Variants in WDR19 observed in about 807,000 individuals in gnomAD.
WDR19 encodes WD repeat-containing protein 19.
A neutral mutation model predicts 180.0 loss-of-function variants in WDR19; 121 were observed. The ratio of observed to expected loss-of-function variants is 0.67; its 90% confidence interval spans 0.58 to 0.78. The LOEUF is 0.78. Ranked by LOEUF, WDR19 falls within the 30% of genes least tolerant of loss-of-function variation. WDR19 has a pLI of 0.00. For missense variants in WDR19, 1,450 were observed against 1,640.7 expected, an observed-to-expected ratio of 0.88 and a Z score of 2.01; for synonymous variants, 497 against 540.7, an observed-to-expected ratio of 0.92 and a Z score of 1.12.
chr4:39,271,446 G>A (rs1313833691), intron 31 of WDR19, among the ~76,000 whole-genome samples: 1 of 152,120 alleles, frequency 6.6e-6, no homozygotes, highest in Non-Finnish European at 1.5e-5. Context: ...GCTCACACGT[G>A]TAATCCCAGT....
intron 14 of WDR19, among the ~76,000 whole-genome samples, chr4:39,220,082 G>A (rs565889563): frequency 2.0e-4 from 31 of 152,012 alleles, no homozygotes; most frequent in Admixed American, 7.9e-4. Context: ...ATAGCCGGGC[G>A]TGGTCATGTG....
chr4:39,200,977 G>C (rs1199971047), intron 6 of WDR19, among the ~76,000 whole-genome samples: 1 of 152,168 alleles, frequency 6.6e-6, no homozygotes, highest in African/African-American at 2.4e-5. Context: ...GTCTCTCAAA[G>C]ATAGAAGGCT....
intron 26 of WDR19, among the ~76,000 whole-genome samples, chr4:39,254,346 G>C (rs1468366971): frequency 6.6e-6 from 1 of 152,154 alleles, no homozygotes; most frequent in Non-Finnish European, 1.5e-5. Context: ...TCAAAATGAA[G>C]GTGATAGGAA....
At chr4:39,210,414 A>T (rs1728369056) in intron 9 of WDR19, among the ~76,000 whole-genome samples, 1 of 152,244 alleles carries the variant, frequency 6.6e-6, no homozygotes, top group Non-Finnish European at 1.5e-5. Flanking sequence ...GTGCAGTGGC[A>T]CATGGCTGCT....
intron 36 of WDR19, among the ~76,000 whole-genome samples, chr4:39,282,923 A>AAC (rs34374540): frequency 0.5 from 76,064 of 151,744 alleles, 20,344 homozygotes; most frequent in African/African-American, 0.7. Context: ...TTTCTGCGTA[A>AAC]AGTCATCTAC....
At chr4:39,209,137 T>C (rs956914768) in intron 9 of WDR19, among the ~76,000 whole-genome samples, 1 of 152,132 alleles carries the variant, frequency 6.6e-6, no homozygotes, top group Non-Finnish European at 1.5e-5. Flanking sequence ...CAAATTTAAA[T>C]TGAATCATAT....
chr4:39,285,180 A>AT (rs1167243876), intron 36 of WDR19, among the ~76,000 whole-genome samples: 5 of 151,950 alleles, frequency 3.3e-5, no homozygotes, highest in African/African-American at 1.2e-4. Context: ...TTTCAGGAAA[A>AT]TTTTTTCTCT....
At chr4:39,229,713 A>G (rs1730642486) in intron 17 of WDR19, among the ~76,000 whole-genome samples, 1 of 152,116 alleles carries the variant, frequency 6.6e-6, no homozygotes, top group Non-Finnish European at 1.5e-5. Context: ...TCTGCTTAAC[A>G]TGGCTCAACA....
intron 4 of WDR19, 68 bp from the exon 5 acceptor site, chr4:39,194,475 AC>A: frequency 1.1e-6 from 1 of 928,892 alleles, no homozygotes; most frequent in Non-Finnish European, 1.6e-6. Context: ...TCCAAGGAGT[AC>A]TTTTTTAAAG....
At chr4:39,245,569 T>TA in intron 24 of WDR19, 117 bp downstream of exon 24, 1 of 1,001,536 alleles carries the variant, frequency 1.0e-6, no homozygotes, top group Non-Finnish European at 1.5e-6. Flanking sequence ...AAAACACCTT[T>TA]AATTACCCCT....
intron 21 of WDR19, among the ~76,000 whole-genome samples, chr4:39,241,930 T>A (rs376913009): frequency 8.0e-6 from 1 of 124,868 alleles, no homozygotes; most frequent in South Asian, 3.2e-4. Context: ...ACTTGTAATA[T>A]GGATTTTTTT....
chr4:39,183,250 CTT>C (rs113490249), intron 1 of WDR19, among the ~76,000 whole-genome samples: 25 of 79,244 alleles, frequency 3.2e-4, no homozygotes, highest in African/African-American at 7.5e-4. Flanking sequence ...AAATGGAAGG[CTT>C]TTTTTTTTTT....
chr4:39,217,384 C>T (rs1729172458), intron 13 of WDR19, 144 bp downstream of exon 13: 4 of 651,348 alleles, frequency 6.1e-6, no homozygotes, highest in Admixed American at 3.0e-5. Context: ...CAAAACCCTT[C>T]CCCTTCTATA....
At position 39,244,392 on chromosome 4, in the gene WDR19, C is replaced by T; in HGVS notation, c.2562+4C>T. The T allele has an allele frequency of 1.9e-6, 3 of 1,613,902 alleles. 1 individual carries two copies. The highest frequency in any genetic ancestry group is 2.5e-6 in the Non-Finnish European group (3 of 1,179,834). ...AGCCATATTGGAGAATATGAAGGTC[C>T]TCTTTTCTCTGCATCAATATACATG... On this transcript the variant is annotated splice_donor_region_variant and intron_variant, in intron 22 of 36. Transcript: ENST00000399820.
At chr4:39,217,959 C>T (rs1729243788) in intron 13 of WDR19, 24 bp from the exon 14 acceptor site, 1 of 1,611,278 alleles carries the variant, frequency 6.2e-7, no homozygotes, top group East Asian at 2.2e-5. Context: ...AATCTGTGAG[C>T]CATTATTATT....
At position 39,254,033 on chromosome 4, in the gene WDR19, A is replaced by G. The variant is rs986476372; in HGVS notation, c.3001+3A>G. 8.1e-6 allele frequency: 13 copies of G among 1,606,366 alleles called. No homozygotes were observed. The highest frequency in any genetic ancestry group is 1.1e-5 in the Non-Finnish European group (13 of 1,176,390). ...GGAAATCTATGCAGATATTATTGGT[A>G]AATATCATTTTTTCCCTGGTTCTCT... is the stretch of plus-strand genomic sequence containing the variant. On this transcript the variant is annotated splice_donor_region_variant and intron_variant, in intron 26 of 36. Coordinates refer to ENST00000399820, the MANE Select transcript of WDR19 (RefSeq NM_025132.4).
chr4:39,205,374 A>G, intron 8 of WDR19, 108 bp downstream of exon 8: 1 of 1,216,566 alleles, frequency 8.2e-7, no homozygotes, highest in Non-Finnish European at 1.2e-6. Context: ...TCAATTCTAT[A>G]CGTCACATTT....
intron 34 of WDR19, among the ~76,000 whole-genome samples, chr4:39,277,820 G>A (rs532098868): frequency 1.1e-4 from 17 of 152,212 alleles, no homozygotes; most frequent in Non-Finnish European, 1.6e-4. Context: ...TTGGGAGGCC[G>A]AGGCAGGCGG....
At chr4:39,187,842 G>C (rs1203651221) in intron 3 of WDR19, among the ~76,000 whole-genome samples, 1 of 152,174 alleles carries the variant, frequency 6.6e-6, no homozygotes, top group Admixed American at 6.5e-5. Context: ...GACTGACAGA[G>C]GATCTCCAGA....
Sources: gnomAD v4.1 joint callset for allele counts (sites outside exome capture counted in the v4.1 genomes callset) on GRCh38, gnomAD v4.1.1 for gene constraint, MANE v1.5 for transcripts, NCBI Gene and HGNC (gene_info 2026-07-23, HGNC 2026-07-21) for gene names.